Variants in BCAR3 observed in about 807,000 individuals in gnomAD.
BCAR3 encodes breast cancer anti-estrogen resistance protein 3.
In BCAR3, 37 loss-of-function variants were observed where a neutral mutation model predicts 80.1. The observed-to-expected ratio is 0.46, with a 90% CI of 0.36 to 0.61. The LOEUF is 0.61. Among genes scored for constraint, BCAR3 ranks in the 20% least tolerant of loss-of-function variants. The probability of loss-of-function intolerance (pLI) is 0.00; values close to 1 mark genes in which losing one functional copy is unlikely to be tolerated. For missense variants in BCAR3, 978 were observed against 1,068.2 expected (o/e 0.92, Z 1.18); for synonymous variants, 389 against 418.9 (o/e 0.93, Z 0.87).
chr1:93,777,413 C>CCTCCTCCTCCTT (rs1553171404), intron 2 of BCAR3, among the ~76,000 whole-genome samples: 1 of 143,264 alleles, frequency 7.0e-6, no homozygotes, highest in African/African-American at 2.8e-5. Context: ...TCCTCCTCCT[C>CCTCCTCCTCCTT]TTCCTCCTCC....
chr1:93,670,540 ACT>A (rs1648153053), intron 2 of BCAR3, among the ~76,000 whole-genome samples: 1 of 152,206 alleles, frequency 6.6e-6, no homozygotes, highest in Non-Finnish European at 1.5e-5. Flanking sequence ...TATGGAACAC[ACT>A]GTCTGGGGAA....
chr1:93,575,916 CT>C, intron 8 of BCAR3, 97 bp downstream of exon 8: 1 of 1,002,494 alleles, frequency 1.0e-6, no homozygotes, highest in Non-Finnish European at 1.5e-6. Context: ...TACCCCAGGG[CT>C]AGGCTGGTGC....
Position 93,663,088 on chromosome 1 carries a change from C to T in BCAR3, c.317+11526G>A, listed in dbSNP as rs146028931. Among the ~76,000 whole-genome samples the T allele has an allele frequency of 3.3e-5, 5 of 152,206 alleles. No homozygotes were observed. The East Asian group carries it at 5.8e-4, about 18-fold the overall frequency. On this transcript the variant is annotated intron_variant, in intron 2 of 11. Coordinates refer to ENST00000260502, the MANE Select transcript of BCAR3 (RefSeq NM_003567.4). Reference sequence around the variant, plus strand: ...CATGGCCTCATCTACTCCAGGCCAGCGATTCTTGCTTCACATTTATCCTAC... The same window carrying T: ...CATGGCCTCATCTACTCCAGGCCAGTGATTCTTGCTTCACATTTATCCTAC...
At chr1:93,685,904 A>T (rs1053790057), upstream of BCAR3, among the ~76,000 whole-genome samples, 1 of 152,128 alleles carries the variant, frequency 6.6e-6, no homozygotes, top group African/African-American at 2.4e-5. Context: ...TTTCATGTTT[A>T]GTAGACTTTT....
Position 93,584,001 on chromosome 1 carries a change from A to G in BCAR3, c.1033+17T>C. 1 of 1,611,054 alleles carries G rather than the reference A, an allele frequency of 6.2e-7. No individual in the cohort carries two copies. Among genetic ancestry groups the G allele is most frequent in the Non-Finnish European group, 8.5e-7 (1 of 1,177,662 alleles). On this transcript the variant is annotated intron_variant, in intron 6 of 11. Coordinates refer to ENST00000260502, the MANE Select transcript of BCAR3 (RefSeq NM_003567.4). ...GGGTAACACTGACGTTCTCCCTGAA[A>G]ATTCCCCGAAACATACCAATCGGCA...
chr1:93,812,192 T>C (rs1433381155), intron 2 of BCAR3, among the ~76,000 whole-genome samples: 1 of 152,202 alleles, frequency 6.6e-6, no homozygotes, highest in Non-Finnish European at 1.5e-5. Context: ...ACAAATGGAT[T>C]CTTTGTGTAA....
intron 2 of BCAR3, among the ~76,000 whole-genome samples, chr1:93,837,562 G>A (rs1041074792): frequency 1.3e-5 from 2 of 152,096 alleles, no homozygotes; most frequent in Non-Finnish European, 2.9e-5. Context: ...TTCTCAGTTC[G>A]AATTACTTTA....
intron 3 of BCAR3, among the ~76,000 whole-genome samples, chr1:93,614,528 T>A (rs191871287): frequency 1.3e-5 from 2 of 152,138 alleles, no homozygotes; most frequent in East Asian, 1.9e-4. Flanking sequence ...CCAGGCAGGA[T>A]CCCTGTCCTC....
At chr1:93,613,729 A>C in intron 3 of BCAR3, 1 of 1,257,758 alleles carries the variant, frequency 8.0e-7, no homozygotes, top group Non-Finnish European at 1.1e-6. Flanking sequence ...CAAAGAAAGC[A>C]CCTCTGTTTT....
At chr1:93,659,257 G>A (rs1485448967) in intron 2 of BCAR3, among the ~76,000 whole-genome samples, 1 of 152,180 alleles carries the variant, frequency 6.6e-6, no homozygotes, top group Non-Finnish European at 1.5e-5. Flanking sequence ...TTGGTTCACT[G>A]CAGCCTCGAC....
At chr1:93,703,476 C>T (rs769384887) in intron 3 of BCAR3, among the ~76,000 whole-genome samples, 9 of 150,986 alleles carry the variant, frequency 6.0e-5, no homozygotes, top group Non-Finnish European at 1.2e-4. Context: ...CTAAGGCCAG[C>T]GGATTGCTTG....
At chr1:93,744,599 C>T (rs1651289229) in intron 2 of BCAR3, among the ~76,000 whole-genome samples, 1 of 152,172 alleles carries the variant, frequency 6.6e-6, no homozygotes, top group Admixed American at 6.5e-5. Flanking sequence ...TAGAAGCATC[C>T]TGAGCTTCCC....
chr1:93,640,133 C>A (rs1327906027), intron 3 of BCAR3, among the ~76,000 whole-genome samples: 1 of 152,124 alleles, frequency 6.6e-6, no homozygotes, highest in Non-Finnish European at 1.5e-5. Flanking sequence ...ACTCTCTCAC[C>A]TCCCTTGATT....
rs138527879 is a variant in BCAR3, at chr1:93,582,581, C to T, written c.1406G>A (p.Arg469Gln). 209 of 1,613,414 alleles carry T rather than the reference C, an allele frequency of 1.3e-4. No homozygotes were observed. The East Asian group carries it at 3.9e-3, about 30-fold the overall frequency. The change falls in exon 7 of 12, where the codon CGG (arginine) becomes CAG (glutamine). Residue 469 changes from arginine to glutamine, a missense_variant. By Grantham distance (43) the Arg-to-Gln change is conservative. Transcript: ENST00000260502. ...GATCAAGTAGTTGACGCCAGAGTTC[C>T]GGGGACCTGGCGCCTCATTCTGCTT... Reference protein sequence around the residue: ...TAKQNEAPGPRNSGVNYLILD... With the variant: ...TAKQNEAPGPQNSGVNYLILD...
intron 2 of BCAR3, among the ~76,000 whole-genome samples, chr1:93,735,637 T>G (rs1488306866): frequency 6.6e-6 from 1 of 152,246 alleles, no homozygotes; most frequent in Non-Finnish European, 1.5e-5. Flanking sequence ...TTCCTTATTT[T>G]GAAAAATACA....
chr1:93,736,408 A>G (rs1650972740), intron 2 of BCAR3, among the ~76,000 whole-genome samples: 1 of 152,236 alleles, frequency 6.6e-6, no homozygotes. Context: ...GCTGGTCTCA[A>G]ACTCCTGACC....
intron 2 of BCAR3, among the ~76,000 whole-genome samples, chr1:93,743,426 C>A (rs1651248092): frequency 6.6e-6 from 1 of 152,132 alleles, no homozygotes; most frequent in South Asian, 2.1e-4. Flanking sequence ...GTAAACAGCC[C>A]CAATTGCTCC....
intron 2 of BCAR3, among the ~76,000 whole-genome samples, chr1:93,672,092 T>C (rs1648237084): frequency 6.6e-6 from 1 of 152,204 alleles, no homozygotes; most frequent in Admixed American, 6.5e-5. Flanking sequence ...TAGCTCTCAA[T>C]CATAAACAAA....
chr1:93,779,186 T>A (rs891931457), intron 2 of BCAR3, among the ~76,000 whole-genome samples: 1 of 151,972 alleles, frequency 6.6e-6, no homozygotes, highest in African/African-American at 2.4e-5. Flanking sequence ...ATGGTGAAGA[T>A]AGGCCACCTA....
Sources: gnomAD v4.1 joint callset for allele counts (sites outside exome capture counted in the v4.1 genomes callset) on GRCh38, gnomAD v4.1.1 for gene constraint, MANE v1.5 for transcripts, NCBI Gene and HGNC (gene_info 2026-07-23, HGNC 2026-07-21) for gene names.